ZFHX3: variants seen among roughly 807,000 people sequenced by gnomAD.
The protein encoded by ZFHX3 is zinc finger homeobox protein 3.
ZFHX3 carries 42 observed loss-of-function variants against 279.1 expected under a neutral mutation model. The ratio of observed to expected loss-of-function variants is 0.15; its 90% CI spans 0.12 to 0.19. The LOEUF (loss-of-function observed/expected upper bound fraction) is 0.19, where lower values mean the gene tolerates loss of function less well. ZFHX3 is among the 10% of genes least tolerant of loss of function. The pLI, the probability that ZFHX3 is intolerant of heterozygous loss-of-function variation, is 1.00. For missense variants in ZFHX3, 4,981 were observed against 4,754.0 expected (o/e 1.05, Z -1.40); for synonymous variants, 2,293 against 1,957.8 (o/e 1.17, Z -4.52).
intron 4 of ZFHX3, among the ~76,000 whole-genome samples, chr16:72,852,005 TGG>T (rs1354612813): frequency 6.6e-6 from 1 of 152,224 alleles, no homozygotes; most frequent in African/African-American, 2.4e-5. Context: ...TTTCACTTAA[TGG>T]AAGACTCTTC....
At chr16:73,706,523 C>T (rs191864041) in intron 1 of ZFHX3, among the ~76,000 whole-genome samples, 15 of 152,056 alleles carry the variant, frequency 9.9e-5, no homozygotes, top group Admixed American at 5.9e-4. Flanking sequence ...CATCCATGGC[C>T]CTGAAGAGCA....
intron 8 of ZFHX3, among the ~76,000 whole-genome samples, chr16:73,079,043 C>A (rs1965917261): frequency 6.6e-6 from 1 of 152,076 alleles, no homozygotes; most frequent in Admixed American, 6.6e-5. Context: ...CATGAAATAT[C>A]TTTGTAGCCT....
chr16:72,930,286 G>T (rs79848337), intron 3 of ZFHX3, among the ~76,000 whole-genome samples: 6 of 151,960 alleles, frequency 3.9e-5, no homozygotes, highest in Admixed American at 1.3e-4. Context: ...ACAGCTTCTC[G>T]CCCATTTTTG....
intron 1 of ZFHX3, among the ~76,000 whole-genome samples, chr16:73,876,453 A>T (rs1239458747): frequency 6.6e-6 from 1 of 152,250 alleles, no homozygotes; most frequent in Non-Finnish European, 1.5e-5. Context: ...ATTAAATGTC[A>T]TGCCTAAGTG....
intron 2 of ZFHX3, among the ~76,000 whole-genome samples, chr16:73,618,584 C>T (rs745736447): frequency 3.3e-5 from 5 of 152,270 alleles, no homozygotes; most frequent in South Asian, 2.1e-4. Flanking sequence ...AGCTGAGAAG[C>T]GCTTTGTCAA....
chr16:73,448,938 C>T (rs139698298), intron 3 of ZFHX3, among the ~76,000 whole-genome samples: 7 of 152,178 alleles, frequency 4.6e-5, no homozygotes, highest in African/African-American at 1.7e-4. Flanking sequence ...TTTTCCATAA[C>T]ATCCAAAAGA....
chr16:73,569,059 C>T (rs1170841331), intron 2 of ZFHX3, among the ~76,000 whole-genome samples: 1 of 152,082 alleles, frequency 6.6e-6, no homozygotes, highest in Non-Finnish European at 1.5e-5. Context: ...AAGTGTGTGC[C>T]CTAATGTGGA....
intron 1 of ZFHX3, among the ~76,000 whole-genome samples, chr16:73,025,255 C>T (rs958430637): frequency 2.0e-5 from 3 of 152,162 alleles, no homozygotes; most frequent in Non-Finnish European, 4.4e-5. Context: ...TGCCCCAAGT[C>T]CTTCCCAATG....
intron 1 of ZFHX3, among the ~76,000 whole-genome samples, chr16:73,793,641 T>G (rs1001787745): frequency 3.9e-5 from 6 of 152,216 alleles, no homozygotes; most frequent in Non-Finnish European, 7.3e-5. Context: ...CTCATTCAAG[T>G]GGCTTTCTTT....
chr16:73,215,943 A>G (rs549602937), intron 5 of ZFHX3, among the ~76,000 whole-genome samples: 1 of 152,048 alleles, frequency 6.6e-6, no homozygotes, highest in African/African-American at 2.4e-5. Context: ...AACACTGCAT[A>G]TTTCTGTTCA....
chr16:73,657,176 G>T (rs1366531415), intron 2 of ZFHX3, among the ~76,000 whole-genome samples: 1 of 152,186 alleles, frequency 6.6e-6, no homozygotes, highest in Non-Finnish European at 1.5e-5. Context: ...GTACAATTTG[G>T]CTGGGTGTAG....
At chr16:73,796,107 T>C (rs983463581) in intron 1 of ZFHX3, among the ~76,000 whole-genome samples, 17 of 152,258 alleles carry the variant, frequency 1.1e-4, no homozygotes, top group African/African-American at 3.4e-4. Context: ...GATTGTATTA[T>C]GTAACAAGTA....
chr16:72,866,872 T>TC (rs1279809613), intron 4 of ZFHX3, among the ~76,000 whole-genome samples: 2 of 152,156 alleles, frequency 1.3e-5, no homozygotes, highest in Non-Finnish European at 2.9e-5. Flanking sequence ...GACCTGCAGT[T>TC]CCACCTTAAC....
intron 1 of ZFHX3, among the ~76,000 whole-genome samples, chr16:72,963,423 G>A (rs1961682709): frequency 6.6e-6 from 1 of 152,214 alleles, no homozygotes; most frequent in Non-Finnish European, 1.5e-5. Flanking sequence ...TCTCCAGTGA[G>A]AAAGTTAAAG....
intron 1 of ZFHX3, among the ~76,000 whole-genome samples, chr16:73,765,667 C>G (rs2053926303): frequency 1.3e-5 from 2 of 152,340 alleles, no homozygotes; most frequent in South Asian, 4.1e-4. Context: ...TCAGTCCAAA[C>G]TAACTTGGGA....
chr16:73,356,162 G>A lies in ZFHX3; in HGVS notation c.-1290-37826C>T, dbSNP rs575665824. 4.6e-5 allele frequency among the ~76,000 whole-genome samples: 7 copies of A among 152,256 alleles called. No homozygotes were observed. In the South Asian group the frequency reaches 1.0e-3, roughly 23 times the overall value. On this transcript the variant is annotated intron_variant, in intron 3 of 17. Coordinates refer to the ZFHX3 transcript ENST00000641206. ...GTTGAATGGGCACTTTCTGAATGGC[G>A]GAGTCACCCCCCGCCGACCATTGCC... is the stretch of plus-strand genomic sequence containing the variant.
intron 2 of ZFHX3, among the ~76,000 whole-genome samples, chr16:73,580,245 C>T (rs971287476): frequency 6.6e-6 from 1 of 151,808 alleles, no homozygotes; most frequent in Non-Finnish European, 1.5e-5. Flanking sequence ...TCTGGGAGGC[C>T]AAGGCGGGCA....
intron 5 of ZFHX3, among the ~76,000 whole-genome samples, chr16:73,148,272 A>T (rs1966876960): frequency 6.6e-6 from 1 of 152,238 alleles, no homozygotes; most frequent in Admixed American, 6.5e-5. Flanking sequence ...CAACAATGGA[A>T]CACTCTTTCC....
At chr16:73,325,312 T>C (rs370605687) in intron 3 of ZFHX3, among the ~76,000 whole-genome samples, 95 of 152,294 alleles carry the variant, frequency 6.2e-4, no homozygotes, top group South Asian at 1.0e-3. Context: ...TCTGGGTGCT[T>C]AGAGGTGCTC....
Sources: gnomAD v4.1 joint callset for allele counts (sites outside exome capture counted in the v4.1 genomes callset) on GRCh38, gnomAD v4.1.1 for gene constraint, MANE v1.5 for transcripts, NCBI Gene and HGNC (gene_info 2026-07-23, HGNC 2026-07-21) for gene names.